Variants in ZMYM3 observed in about 807,000 individuals in gnomAD.
ZMYM3 encodes zinc finger MYM-type protein 3.
Under a neutral mutation model 94.2 loss-of-function variants are expected in ZMYM3, and 6 were observed. That is an observed-to-expected ratio of 0.06 (90% confidence interval 0.03 to 0.13). The LOEUF (loss-of-function observed/expected upper bound fraction) is 0.13, where lower values mean the gene tolerates loss of function less well. Ranked by LOEUF, ZMYM3 falls within the 10% of genes least tolerant of loss-of-function variation. ZMYM3 has a pLI of 1.00. For missense variants in ZMYM3, 664 were observed against 1,132.6 expected (o/e 0.59, Z 5.94); for synonymous variants, 420 against 426.5 (o/e 0.98, Z 0.19).
chrX:71,242,317 A>T lies in ZMYM3; in HGVS notation c.3655T>A (p.Phe1219Ile). 8.3e-7 allele frequency: 1 copy of T among 1,211,251 alleles called. No individual in the cohort carries two copies. ...TCCTCAGCTGTCTGCAGCCCAAAAA[A>T]CTTAGTGTTGAAGAACATGAGGGTG... is the stretch of plus-strand genomic sequence containing the variant. ...LNTLMFFNTK[F>I]FGLQTAEEHM... is the part of the protein sequence containing the mutation. The change falls in exon 23 of 25, where the codon TTT becomes ATT. Residue 1219 changes from phenylalanine (F) to isoleucine (I), a missense_variant. Around this residue, in one of 9 missense-constraint regions of ZMYM3, gnomAD observed 19 missense variants for 123.7 expected, o/e 0.15. Coordinates refer to ENST00000314425, the MANE Select transcript of ZMYM3 (RefSeq NM_201599.3).
chrX:71,244,202 C>G (rs981963619), intron 20 of ZMYM3, 100 bp downstream of exon 20: 2 of 1,091,553 alleles, frequency 1.8e-6, no homozygotes, highest in African/African-American at 3.7e-5. Context: ...CTTATCACTT[C>G]TAGACATCTT....
chrX:71,250,821 G>T, intron 4 of ZMYM3, 95 bp from the exon 5 acceptor site: 3 of 898,046 alleles, frequency 3.3e-6, no homozygotes, highest in Non-Finnish European at 4.6e-6. Context: ...TGGGATCCCT[G>T]TTGTTCCGGC....
Position 71,249,584 on chromosome X carries a change from G to A in ZMYM3, c.1347C>T (p.Asn449=), listed in dbSNP as rs2030353421. 8.3e-7 allele frequency: 1 copy of A among 1,211,104 alleles called. No homozygotes were observed. The highest frequency in any genetic ancestry group is 1.1e-6 in the Non-Finnish European group (1 of 895,270). The change falls in exon 7 of 25, where the codon AAC becomes AAT. Residue 449 remains asparagine (N), a synonymous_variant. Coordinates refer to ENST00000314425, the MANE Select transcript of ZMYM3 (RefSeq NM_201599.3). ...KFRANKGLKT[N]CCDQCGAYIY... ...TGTAAGCCCCACACTGGTCACAACAGTTGGTTTTCAGTCCCTTGTTGGCCC... is the reference window on the plus strand; with the variant it reads ...TGTAAGCCCCACACTGGTCACAACAATTGGTTTTCAGTCCCTTGTTGGCCC...
Position 71,240,665 on chromosome X carries a change from G to A in ZMYM3, c.*251C>T, listed in dbSNP as rs1217502038. The A allele has an allele frequency of 2.9e-6, 1 of 345,419 alleles. No individual in the cohort carries two copies. The highest frequency in any genetic ancestry group is 5.0e-6 in the Non-Finnish European group (1 of 198,304). The allele number at this position is 345,419 out of a possible 1,213,427, so 28.5% of individuals were successfully genotyped here. A position where few individuals can be genotyped will look rare whatever the true frequency, so the allele number is the denominator to read the frequency against. On this transcript the variant is annotated 3_prime_UTR_variant, in exon 25 of 25. Coordinates refer to ENST00000314425, the MANE Select transcript of ZMYM3 (RefSeq NM_201599.3). ...GTTTACTCTGAAGCATAAAGAAAACGGGCAAGCTGGCTTTTGCCCATCACT... is the reference window on the plus strand; with the variant it reads ...GTTTACTCTGAAGCATAAAGAAAACAGGCAAGCTGGCTTTTGCCCATCACT...
At chrX:71,246,266 A>C (rs1036503165) in intron 15 of ZMYM3, 87 bp downstream of exon 15, 2 of 1,155,674 alleles carry the variant, frequency 1.7e-6, no homozygotes, top group Non-Finnish European at 1.2e-6. Context: ...GCTACCTAAG[A>C]AATCCCCTTG....
chrX:71,250,361 A>G, intron 5 of ZMYM3, 71 bp downstream of exon 5: 1 of 1,119,795 alleles, frequency 8.9e-7, no homozygotes. Context: ...GTTCTTACCA[A>G]CAGTCTCTGT....
intron 22 of ZMYM3, 113 bp from the exon 23 acceptor site, chrX:71,242,537 A>C: frequency 1.0e-6 from 1 of 977,853 alleles, no homozygotes; most frequent in Non-Finnish European, 1.4e-6. Context: ...TTGGTGAGTA[A>C]CCTTTGTATA....
chrX:71,245,599 T>C, intron 17 of ZMYM3, 69 bp downstream of exon 17: 1 of 1,169,251 alleles, frequency 8.6e-7, no homozygotes, highest in South Asian at 1.9e-5. Context: ...AGATCACCAA[T>C]ACCACCCCCT....
At chrX:71,250,303 T>G in intron 5 of ZMYM3, 100 bp from the exon 6 acceptor site, 1 of 1,086,770 alleles carries the variant, frequency 9.2e-7, no homozygotes, top group Non-Finnish European at 1.2e-6. Context: ...AGCCAAATAC[T>G]CTGACTCTCT....
chrX:71,247,617 A>AC, intron 12 of ZMYM3, 107 bp from the exon 13 acceptor site: 1 of 1,135,145 alleles, frequency 8.8e-7, no homozygotes, highest in Admixed American at 2.5e-5. Context: ...GGGCCAGCTT[A>AC]GAGATGGAAG....
chrX:71,246,475 G>GGGT lies in ZMYM3; in HGVS notation c.2449_2450insACC (p.Thr817delinsAsnPro). On this transcript the variant is annotated protein_altering_variant, in exon 15 of 25. Transcript: ENST00000314425. Reference sequence around the variant, plus strand: ...TGCTGGGGGTGGTGGGGGTGGAGGGGTGGGAGCAGTGGGAGCTGATCGGGT... The same window carrying GGGT: ...TGCTGGGGGTGGTGGGGGTGGAGGGGGGTTGGGAGCAGTGGGAGCTGATCGGGT... 1 of 1,134,106 alleles carries GGGT rather than the reference G, an allele frequency of 8.8e-7. No homozygotes were observed. Among genetic ancestry groups the GGGT allele is most frequent in the Non-Finnish European group, 1.2e-6 (1 of 857,561 alleles). The allele number at this position is 1,134,106 out of a possible 1,213,427, so 93.5% of individuals were successfully genotyped here.
chrX:71,243,758 G>T, intron 21 of ZMYM3, 71 bp downstream of exon 21: 3 of 1,176,197 alleles, frequency 2.6e-6, no homozygotes, highest in Non-Finnish European at 2.3e-6. Context: ...GCCTAACCCA[G>T]AATCATTTCT....
intron 17 of ZMYM3, 32 bp from the exon 18 acceptor site, chrX:71,245,517 C>G: frequency 8.4e-7 from 1 of 1,186,733 alleles, no homozygotes; most frequent in Non-Finnish European, 1.1e-6. Flanking sequence ...TCAGTGGTTA[C>G]AAGCTCCTGC....
At position 71,246,605 on chromosome X, in the gene ZMYM3, T is replaced by G; in HGVS notation, c.2402A>C (p.Asn801Thr). Residue 801 changes from asparagine to threonine, a missense_variant, in exon 14 of 25, where the codon AAT (asparagine) becomes ACT (threonine). This residue lies in a region of ZMYM3 where 57 missense variants were observed against 52.0 expected (regional missense o/e 1.10). Transcript: ENST00000314425. Reference protein sequence around the residue: ...NTVRTPEENGNLGKIPVKTRS... With the variant: ...NTVRTPEENGTLGKIPVKTRS... ...GGCTTTTGCCCCGACCTTGCCCAAATTCCCATTTTCCTCTGGGGTCCTCAC... is the reference window on the plus strand; with the variant it reads ...GGCTTTTGCCCCGACCTTGCCCAAAGTCCCATTTTCCTCTGGGGTCCTCAC... 1 of 1,211,365 alleles carries G rather than the reference T, an allele frequency of 8.3e-7. No individual in the cohort carries two copies. The highest frequency in any genetic ancestry group is 1.8e-5 in the South Asian group (1 of 56,880).
chrX:71,249,346 C>T (rs1346298625), intron 7 of ZMYM3, 115 bp downstream of exon 7: 19 of 1,126,041 alleles, frequency 1.7e-5, no homozygotes, highest in South Asian at 4.4e-5. Flanking sequence ...ACAATTGAAA[C>T]CCCCTTTATT....
chrX:71,246,543 A>G, intron 14 of ZMYM3, 31 bp from the exon 15 acceptor site: 3 of 1,197,310 alleles, frequency 2.5e-6, no homozygotes, highest in Non-Finnish European at 3.4e-6. Context: ...TTGTGCCACC[A>G]ACCGCCGTAC....
In ZMYM3 at chrX:71,240,676, C is replaced by G. The variant is rs906985582; in HGVS notation, c.*240G>C. ...AGCATAAAGAAAACGGGCAAGCTGG[C>G]TTTTGCCCATCACTGGGAGACCAGC... On this transcript the variant is annotated 3_prime_UTR_variant, in exon 25 of 25. Transcript: ENST00000314425. 138 of 358,758 alleles carry G rather than the reference C, an allele frequency of 3.8e-4. No homozygotes were observed. In the Middle Eastern group the frequency reaches 6.1e-3, roughly 16 times the overall value. The allele number at this position is 358,758 out of a possible 1,213,427, so 29.6% of individuals were successfully genotyped here.
At chrX:71,245,073 A>G (rs1364551447) in intron 18 of ZMYM3, among the ~76,000 whole-genome samples, 180 bp from the exon 19 acceptor site, 1 of 105,309 alleles carries the variant, frequency 9.5e-6, no homozygotes, top group East Asian at 3.0e-4. Context: ...GAACTACTGA[A>G]CCGTAAACAT....
chrX:71,247,105 C>T (rs938996202), intron 13 of ZMYM3, among the ~76,000 whole-genome samples: 2 of 111,307 alleles, frequency 1.8e-5, no homozygotes, highest in Non-Finnish European at 3.8e-5. Context: ...GGAAAGGCAC[C>T]CACTCCCTAA....
Sources: allele counts gnomAD v4.1 joint callset (sites outside exome capture counted in the v4.1 genomes callset), GRCh38; gene constraint gnomAD v4.1.1; regional missense constraint gnomAD v4.1.1; transcripts MANE v1.5; gene names NCBI Gene and HGNC (gene_info 2026-07-23, HGNC 2026-07-21).